The following ANKRD26 variants were observed in gnomAD, a reference collection of about 807,000 sequenced individuals.
The protein encoded by ANKRD26 is ankyrin repeat domain 26.
Under a neutral mutation model 208.7 loss-of-function variants are expected in ANKRD26, and 141 were observed. That is an observed-to-expected ratio of 0.68 (90% CI 0.59 to 0.78). The LOEUF is 0.78. ANKRD26 is among the 30% of genes least tolerant of loss of function. The pLI is 0.00. For missense variants in ANKRD26, 1,889 were observed against 1,938.7 expected, an observed-to-expected ratio of 0.97 and a Z score of 0.48; for synonymous variants, 636 against 660.4, an observed-to-expected ratio of 0.96 and a Z score of 0.57.
At chr10:27,070,890 C>T (rs963738825) in intron 9 of ANKRD26, among the ~76,000 whole-genome samples, 1 of 151,996 alleles carries the variant, frequency 6.6e-6, no homozygotes, top group Admixed American at 6.5e-5. Flanking sequence ...TGGTCTCGAA[C>T]TCCTGACCTC....
intron 9 of ANKRD26, among the ~76,000 whole-genome samples, chr10:27,070,992 C>A (rs1470369146): frequency 6.6e-6 from 1 of 151,908 alleles, no homozygotes; most frequent in Admixed American, 6.6e-5. Flanking sequence ...ACTCCCTTGG[C>A]AATCTTTCCT....
the ANKRD26 span, among the ~76,000 whole-genome samples, chr10:26,961,728 C>T: frequency 6.6e-6 from 1 of 152,060 alleles, no homozygotes; most frequent in East Asian, 1.9e-4. Context: ...ACATACCTAT[C>T]TCAGAGGGTC....
chr10:26,952,489 CA>C, the ANKRD26 span, among the ~76,000 whole-genome samples: 1 of 152,088 alleles, frequency 6.6e-6, no homozygotes, highest in African/African-American at 2.4e-5. Flanking sequence ...TGAATTTCAT[CA>C]AGAGCCTTTT....
At chr10:27,051,022 A>G (rs1010663567) in intron 16 of ANKRD26, 4 of 1,190,556 alleles carry the variant, frequency 3.4e-6, no homozygotes, top group Non-Finnish European at 4.2e-6. Context: ...TAATTGATAG[A>G]GAAAAAAACA....
chr10:27,094,576 T>C (rs1430141922), intron 1 of ANKRD26, among the ~76,000 whole-genome samples: 1 of 152,224 alleles, frequency 6.6e-6, no homozygotes, highest in Non-Finnish European at 1.5e-5. Flanking sequence ...CTATGCAAAA[T>C]GTTTAGAACA....
chr10:27,044,703 A>G (rs1438318927), intron 18 of ANKRD26, among the ~76,000 whole-genome samples: 1 of 152,168 alleles, frequency 6.6e-6, no homozygotes, highest in East Asian at 1.9e-4. Flanking sequence ...CTGTACATAT[A>G]TTAAACTCAT....
chr10:27,022,978 T>C (rs1359486521), intron 28 of ANKRD26, among the ~76,000 whole-genome samples: 2 of 152,164 alleles, frequency 1.3e-5, no homozygotes, highest in Non-Finnish European at 2.9e-5. Flanking sequence ...ATATAAAACA[T>C]TAACTTATTA....
chr10:27,060,665 G>T, intron 13 of ANKRD26, 125 bp from the exon 14 acceptor site: 1 of 800,184 alleles, frequency 1.2e-6, no homozygotes, highest in African/African-American at 1.8e-5. Context: ...GTTAATTTTT[G>T]GGATGTTTTT....
chr10:27,033,316 T>A lies in ANKRD26; in HGVS notation c.3716A>T (p.Glu1239Val). The A allele has an allele frequency of 1.5e-5, 24 of 1,612,736 alleles. No homozygotes were observed. Among genetic ancestry groups the A allele is most frequent in the Non-Finnish European group, 2.0e-5 (24 of 1,179,036 alleles). The change falls in exon 25 of 34, where the codon GAG (glutamate) becomes GTG (valine). Residue 1239 changes from glutamate (E) to valine (V), a missense_variant. Transcript: ENST00000376087. The stretch of plus-strand genomic sequence containing the variant: ...ACGTGACGTAACCTCCAGTGAAGCC[T>A]CTGACATAGATTGTTTTTTTAGGGT... ...ADTLKKQSMS[E>V]ASLEVTSRYR... is the part of the protein sequence containing the mutation.
At chr10:26,966,294 T>C in the ANKRD26 span, among the ~76,000 whole-genome samples, 1 of 152,180 alleles carries the variant, frequency 6.6e-6, no homozygotes, top group Admixed American at 6.5e-5. Context: ...TGGAATACTA[T>C]GCAGCCATAA....
intron 15 of ANKRD26, among the ~76,000 whole-genome samples, chr10:27,056,044 C>T (rs1415007876): frequency 1.3e-5 from 2 of 152,154 alleles, no homozygotes; most frequent in Admixed American, 6.5e-5. Flanking sequence ...TACTGTCCCT[C>T]CTAATTCTCT....
In ANKRD26 at chr10:27,005,047, C is replaced by T. The variant is rs1488475742; in HGVS notation, c.*543G>A. The T allele has an allele frequency of 6.1e-6, 6 of 984,926 alleles. No individual in the cohort carries two copies. The highest frequency in any genetic ancestry group is 4.8e-6 in the Non-Finnish European group (4 of 829,622). The allele number at this position is 984,926 out of a possible 1,614,324, so 61.0% of individuals were successfully genotyped here. A position where few individuals can be genotyped will look rare whatever the true frequency, so the allele number is the denominator to read the frequency against. On this transcript the variant is annotated 3_prime_UTR_variant, in exon 34 of 34. Coordinates refer to ENST00000376087, the MANE Select transcript of ANKRD26 (RefSeq NM_014915.3). ...TTCGAAATTTTCTCTAAACTGAAGG[C>T]TATTTCCAAAAGGTTAATTAAAAAT...
chr10:27,079,975 G>C, intron 6 of ANKRD26: 1 of 269,846 alleles, frequency 3.7e-6, no homozygotes, highest in South Asian at 3.0e-5. Flanking sequence ...GACCAACATA[G>C]TGAAACTCTG....
In ANKRD26 at chr10:27,100,275, G is replaced by C; in HGVS notation, c.52C>G (p.Arg18Gly). 6.2e-7 allele frequency: 1 copy of C among 1,609,934 alleles called. No homozygotes were observed. The highest frequency in any genetic ancestry group is 1.1e-5 in the South Asian group (1 of 90,990). ...KGESPLGSFARRQRSSAGGGG... is the reference protein window; with the variant it reads ...KGESPLGSFAGRQRSSAGGGG... Reference sequence around the variant, plus strand: ...CCTCCCGCGCTGCTCCTCTGCCGCCGCGCGAAGGAGCCCAAGGGCGACTCG... The same window carrying C: ...CCTCCCGCGCTGCTCCTCTGCCGCCCCGCGAAGGAGCCCAAGGGCGACTCG... Residue 18 changes from arginine (R) to glycine (G), a missense_variant, in exon 1 of 34, where the codon CGG (arginine) becomes GGG (glycine). Physicochemically the swap from Arg to Gly is moderately radical, Grantham distance 125 (BLOSUM62 -2). Coordinates refer to ENST00000376087, the MANE Select transcript of ANKRD26 (RefSeq NM_014915.3).
At chr10:26,995,482 A>G (rs1463475263) in intron 4 of ANKRD26, among the ~76,000 whole-genome samples, 1 of 152,178 alleles carries the variant, frequency 6.6e-6, no homozygotes, top group Non-Finnish European at 1.5e-5. Context: ...CTCCACTTTC[A>G]TATGCTAAAA....
At chr10:26,950,208 G>A in the ANKRD26 span, among the ~76,000 whole-genome samples, 1 of 152,118 alleles carries the variant, frequency 6.6e-6, no homozygotes, top group Admixed American at 6.5e-5. Flanking sequence ...TTGTGATAGT[G>A]AGAGAGTTCT....
intron 9 of ANKRD26, among the ~76,000 whole-genome samples, chr10:27,076,418 A>G (rs942797466): frequency 6.6e-6 from 1 of 151,900 alleles, no homozygotes; most frequent in Non-Finnish European, 1.5e-5. Flanking sequence ...ACCCACCACC[A>G]TGCCTGGCTA....
Position 27,060,882 on chromosome 10 carries a change from C to T in ANKRD26, c.1462+262G>A, listed in dbSNP as rs114596865. On this transcript the variant is annotated intron_variant, in intron 13 of 33. Coordinates refer to ENST00000376087, the MANE Select transcript of ANKRD26 (RefSeq NM_014915.3). ...TTAATTAGAGGAGCAAATCATGACC[C>T]TGAGAGGAGAAATGTCAAGGCTGAT... Among the ~76,000 whole-genome samples, 743 of 152,238 alleles carry T rather than the reference C, an allele frequency of 4.9e-3. 9 individuals are homozygous for T. The highest frequency in any genetic ancestry group is 0.017 in the African/African-American group (706 of 41,524).
chr10:27,066,584 C>T (rs746459350), intron 10 of ANKRD26, 36 bp from the exon 11 acceptor site: 61 of 1,408,912 alleles, frequency 4.3e-5, no homozygotes, highest in Non-Finnish European at 8.9e-6. Flanking sequence ...TTCATGAGAA[C>T]ATTTACTATT....
Sources: gnomAD v4.1 joint callset for allele counts (sites outside exome capture counted in the v4.1 genomes callset) on GRCh38, gnomAD v4.1.1 for gene constraint, MANE v1.5 for transcripts, NCBI Gene and HGNC (gene_info 2026-07-23, HGNC 2026-07-21) for gene names.